Variants in NLGN1 observed in about 807,000 individuals in gnomAD.
NLGN1 encodes neuroligin 1, also known as neuroligin-1.
NLGN1 carries 12 observed loss-of-function variants against 65.5 expected under a neutral mutation model. The observed-to-expected ratio is 0.18, with a 90% CI of 0.12 to 0.30. NLGN1 has a LOEUF of 0.30. Among genes scored for constraint, NLGN1 ranks in the 10% least tolerant of loss-of-function variants. The pLI, the probability that NLGN1 is intolerant of heterozygous loss-of-function variation, is 1.00. For synonymous variants in NLGN1, 350 were observed against 359.5 expected, an observed-to-expected ratio of 0.97 and a Z score of 0.30; for missense variants, 750 against 1,007.1, an observed-to-expected ratio of 0.74 and a Z score of 3.46.
At chr3:174,216,076 T>C (rs1577399090) in intron 4 of NLGN1, among the ~76,000 whole-genome samples, 1 of 152,212 alleles carries the variant, frequency 6.6e-6, no homozygotes, top group East Asian at 1.9e-4. Context: ...AATCCAATTT[T>C]ACTGGATTTC....
chr3:173,824,133 T>A (rs148327615), intron 4 of NLGN1, among the ~76,000 whole-genome samples: 118 of 152,222 alleles, frequency 7.8e-4, no homozygotes, highest in Middle Eastern at 6.8e-3. Flanking sequence ...TCATTGTTAA[T>A]CACAGTATAT....
intron 2 of NLGN1, among the ~76,000 whole-genome samples, chr3:173,494,174 GT>G (rs1729650972): frequency 6.6e-6 from 1 of 150,788 alleles, no homozygotes; most frequent in African/African-American, 2.5e-5. Context: ...GGGAGTGGTG[GT>G]GGTGGTGTTT....
chr3:173,731,155 ATAATG>A (rs375969865), intron 3 of NLGN1, among the ~76,000 whole-genome samples: 2,078 of 152,194 alleles, frequency 0.014, 15 homozygotes, highest in Non-Finnish European at 0.021. Context: ...TATTTTATGC[ATAATG>A]TAAGTTGTGT....
chr3:174,218,657 A>C (rs1421421), intron 4 of NLGN1, among the ~76,000 whole-genome samples: 111,615 of 151,828 alleles, frequency 0.74, 41,071 homozygotes, highest in East Asian at 0.8. Flanking sequence ...TAAAATGAGA[A>C]CCCTCTCTGG....
chr3:174,204,672 T>G (rs1009241742), intron 4 of NLGN1, among the ~76,000 whole-genome samples: 1 of 152,242 alleles, frequency 6.6e-6, no homozygotes, highest in Admixed American at 6.5e-5. Context: ...TATAGAAGAT[T>G]GTGGTCTTTC....
intron 3 of NLGN1, among the ~76,000 whole-genome samples, chr3:173,612,482 A>G (rs1752443690): frequency 6.6e-6 from 1 of 151,964 alleles, no homozygotes; most frequent in South Asian, 2.1e-4. Flanking sequence ...TCTAGTTTCC[A>G]GAGGTTACTA....
At chr3:174,140,961 G>A (rs768944376) in intron 4 of NLGN1, among the ~76,000 whole-genome samples, 1 of 152,048 alleles carries the variant, frequency 6.6e-6, no homozygotes, top group African/African-American at 2.4e-5. Flanking sequence ...CTATATTAAA[G>A]TATTATCATT....
At chr3:173,452,673 G>A (rs1234999214) in intron 2 of NLGN1, among the ~76,000 whole-genome samples, 1 of 152,116 alleles carries the variant, frequency 6.6e-6, no homozygotes, top group Non-Finnish European at 1.5e-5. Context: ...ATATTTAAAT[G>A]CATTAGTCAA....
intron 3 of NLGN1, among the ~76,000 whole-genome samples, chr3:173,703,391 A>G (rs1323788565): frequency 2.6e-5 from 4 of 152,292 alleles, no homozygotes; most frequent in African/African-American, 4.8e-5. Flanking sequence ...ATTGGTAATC[A>G]ACAGATAATG....
intron 1 of NLGN1, among the ~76,000 whole-genome samples, chr3:173,418,885 A>G (rs1232347639): frequency 6.6e-6 from 1 of 151,720 alleles, no homozygotes; most frequent in African/African-American, 2.4e-5. Flanking sequence ...AAACTTGTCC[A>G]ACTCACAGGC....
At chr3:173,593,391 C>G (rs1748877113) in intron 2 of NLGN1, among the ~76,000 whole-genome samples, 1 of 152,142 alleles carries the variant, frequency 6.6e-6, no homozygotes, top group Admixed American at 6.5e-5. Context: ...CTCTCCTGTT[C>G]ACGTCGTCCT....
intron 4 of NLGN1, among the ~76,000 whole-genome samples, chr3:173,861,613 T>C (rs1345299124): frequency 6.6e-6 from 1 of 151,146 alleles, no homozygotes; most frequent in Non-Finnish European, 1.5e-5. Context: ...TATATATACA[T>C]ATAATTACAA....
chr3:174,203,443 A>T (rs956051459), intron 4 of NLGN1, among the ~76,000 whole-genome samples: 12 of 152,164 alleles, frequency 7.9e-5, no homozygotes, highest in African/African-American at 2.4e-4. Context: ...TTCGATGTGG[A>T]TGAATCTTGT....
intron 2 of NLGN1, among the ~76,000 whole-genome samples, chr3:173,549,418 G>C (rs147372107): frequency 0.012 from 1,794 of 152,038 alleles, 35 homozygotes; most frequent in African/African-American, 0.041. Context: ...GGGTACATGA[G>C]ATGTAGAAAA....
intron 4 of NLGN1, among the ~76,000 whole-genome samples, chr3:173,884,632 A>T (rs1393249473): frequency 6.6e-6 from 1 of 152,180 alleles, no homozygotes; most frequent in Non-Finnish European, 1.5e-5. Context: ...AGTTTCCTAC[A>T]TGTGCATGTA....
intron 2 of NLGN1, among the ~76,000 whole-genome samples, chr3:173,530,683 A>G (rs1289040158): frequency 6.6e-6 from 1 of 152,108 alleles, no homozygotes; most frequent in Non-Finnish European, 1.5e-5. Flanking sequence ...TGTTAATCTG[A>G]TGGTTCTTTA....
At chr3:173,953,887 C>G (rs904913393) in intron 4 of NLGN1, among the ~76,000 whole-genome samples, 2 of 151,930 alleles carry the variant, frequency 1.3e-5, no homozygotes, top group African/African-American at 4.8e-5. Context: ...GCTAATGGTC[C>G]CCCATTTTAC....
intron 4 of NLGN1, among the ~76,000 whole-genome samples, chr3:174,151,329 G>A (rs78106285): frequency 0.018 from 2,757 of 152,112 alleles, 80 homozygotes; most frequent in African/African-American, 0.062. Context: ...TGATCAATCT[G>A]TATTTGTTAA....
At chr3:174,121,237 G>T (rs1343436835) in intron 4 of NLGN1, among the ~76,000 whole-genome samples, 1 of 152,178 alleles carries the variant, frequency 6.6e-6, no homozygotes, top group Non-Finnish European at 1.5e-5. Context: ...AACAAAAGCA[G>T]CAAGTTCTGT....
Sources: allele counts gnomAD v4.1 joint callset (sites outside exome capture counted in the v4.1 genomes callset), GRCh38; gene constraint gnomAD v4.1.1; transcripts MANE v1.5; gene names NCBI Gene and HGNC (gene_info 2026-07-23, HGNC 2026-07-21).